Variants in CFAP74 observed in about 807,000 individuals in gnomAD.
CFAP74 encodes the protein cilia and flagella associated protein 74.
In CFAP74, 124 loss-of-function variants were observed where a neutral mutation model predicts 188.9. The observed-to-expected ratio is 0.66, with a 90% confidence interval of 0.57 to 0.76. CFAP74 has a LOEUF of 0.76. Ranked by LOEUF, CFAP74 falls within the 30% of genes least tolerant of loss-of-function variation. CFAP74 has a pLI of 0.00. For missense variants in CFAP74, 2,198 were observed against 2,165.2 expected, an observed-to-expected ratio of 1.02 and a Z score of -0.30; for synonymous variants, 956 against 916.7, an observed-to-expected ratio of 1.04 and a Z score of -0.77.
intron 17 of CFAP74, among the ~76,000 whole-genome samples, chr1:1,956,384 C>T (rs372486203): frequency 1.3e-5 from 2 of 152,164 alleles, no homozygotes; most frequent in South Asian, 2.1e-4. Flanking sequence ...CCTGCTGCTA[C>T]GTGCCTGAGA....
rs1172457681 is a variant in CFAP74 at position 1,968,722 on chromosome 1, CCTGGCACT to C, written c.1150_1157del (p.Ser384AlafsTer15). ...TCTTGTCCCTCAGGGTCAGCCGGTG[CCTGGCACT>C]GGTGGGGGGATGCTGTTTCTTCCTC... On this transcript the variant is annotated frameshift_variant, in exon 11 of 39. Transcript: ENST00000682832. LOFTEE classifies it high-confidence loss of function. The surrounding 1 kb of genome is among the most constrained non-coding windows in gnomAD (Gnocchi z 4.3). The C allele has an allele frequency of 6.2e-7, 1 of 1,613,956 alleles. No individual in the cohort carries two copies. Among genetic ancestry groups the C allele is most frequent in the Non-Finnish European group, 8.5e-7 (1 of 1,179,964 alleles).
intron 1 of CFAP74, among the ~76,000 whole-genome samples, chr1:1,993,834 T>C (rs1040036229): frequency 2.7e-5 from 4 of 149,392 alleles, no homozygotes; most frequent in East Asian, 2.0e-4. Context: ...TACAAAAAAT[T>C]AGCCGGGCGT....
chr1:1,977,339 G>A (rs1656513800), intron 6 of CFAP74, among the ~76,000 whole-genome samples: 1 of 152,164 alleles, frequency 6.6e-6, no homozygotes. Context: ...GCACACATCT[G>A]AGCGAGTGCC....
At chr1:1,944,594 T>C (rs147108416) in intron 20 of CFAP74, 142 bp from the exon 21 acceptor site, 94 of 808,906 alleles carry the variant, frequency 1.2e-4, no homozygotes, top group African/African-American at 1.1e-3. Context: ...GCACTTTTCA[T>C]ATCATATCAT....
Position 1,928,885 on chromosome 1 carries a change from G to T in CFAP74, c.3289-3C>A. On this transcript the variant is annotated splice_region_variant and splice_polypyrimidine_tract_variant and intron_variant, in intron 26 of 38. Transcript: ENST00000682832. ...AAGGCCACCTGGACCAGGCACCTCTGAGGAGAGACCAGCGTGGGCACAGGG... is the reference window on the plus strand; with the variant it reads ...AAGGCCACCTGGACCAGGCACCTCTTAGGAGAGACCAGCGTGGGCACAGGG... 1 of 1,534,262 alleles carries T rather than the reference G, an allele frequency of 6.5e-7. No homozygotes were observed. The highest frequency in any genetic ancestry group is 2.0e-5 in the Admixed American group (1 of 50,964).
intron 6 of CFAP74, among the ~76,000 whole-genome samples, chr1:1,976,005 G>A (rs1161580933): frequency 6.6e-6 from 1 of 152,228 alleles, no homozygotes; most frequent in Non-Finnish European, 1.5e-5. Context: ...GGAAGTCCAA[G>A]GTCAAGGTGC....
chr1:1,947,189 C>T (rs2803341), intron 18 of CFAP74, 135 bp from the exon 19 acceptor site: 318,804 of 697,000 alleles, frequency 0.46, 76,840 homozygotes, highest in Admixed American at 0.55. Context: ...TGGAGCCATC[C>T]GTGTGGCCCC....
rs776407223 is a variant in CFAP74, at chr1:1,922,250, G to C, written c.*37C>G. On this transcript the variant is annotated 3_prime_UTR_variant, in exon 39 of 39. Coordinates refer to ENST00000682832, the MANE Select transcript of CFAP74 (RefSeq NM_001304360.2). ...CCTCAGCCTGGGGAGGGCTTTGAGGGTGGACAGGAGGGCCCGAGGGTGCTC... is the reference window on the plus strand; with the variant it reads ...CCTCAGCCTGGGGAGGGCTTTGAGGCTGGACAGGAGGGCCCGAGGGTGCTC... 25 of 1,522,828 alleles carry C rather than the reference G, an allele frequency of 1.6e-5. No homozygotes were observed. Among genetic ancestry groups the C allele is most frequent in the Non-Finnish European group, 1.4e-5 (15 of 1,103,036 alleles). The allele number at this position is 1,522,828 out of a possible 1,614,324, so 94.3% of individuals were successfully genotyped here. A position where few individuals can be genotyped will look rare whatever the true frequency, so the allele number is the denominator to read the frequency against.
Position 1,944,393 on chromosome 1 carries a change from G to A in CFAP74, c.2424C>T (p.Ser808=), listed in dbSNP as rs1653606817. The A allele has an allele frequency of 3.3e-6, 5 of 1,535,978 alleles. No homozygotes were observed. The highest frequency in any genetic ancestry group is 2.7e-5 in the African/African-American group (2 of 73,054). ...CATACATGCAGATCTTCAGGTCCACGCTGGGCTTCGGCACCCAGACCGGCA... is the reference window on the plus strand; with the variant it reads ...CATACATGCAGATCTTCAGGTCCACACTGGGCTTCGGCACCCAGACCGGCA... The part of the protein sequence containing the change: ...IDVPVWVPKP[S]VDLKICMYDR... The change falls in exon 21 of 39, where the codon AGC becomes AGT. Residue 808 remains serine, a synonymous_variant. Coordinates refer to ENST00000682832, the MANE Select transcript of CFAP74 (RefSeq NM_001304360.2).
chr1:1,928,951 C>G (rs1570823723), intron 26 of CFAP74, 69 bp from the exon 27 acceptor site: 1 of 1,011,824 alleles, frequency 9.9e-7, no homozygotes. Flanking sequence ...CCTGCGGGCA[C>G]TCTACCGTCC....
intron 25 of CFAP74, among the ~76,000 whole-genome samples, chr1:1,933,548 C>G (rs574865418): frequency 4.6e-4 from 70 of 152,294 alleles, no homozygotes; most frequent in Middle Eastern, 3.4e-3. Flanking sequence ...TCCATTTCCT[C>G]AAAATTGTCA....
intron 20 of CFAP74, among the ~76,000 whole-genome samples, chr1:1,945,952 CTG>C (rs912105051): frequency 1.6e-5 from 2 of 125,630 alleles, no homozygotes; most frequent in South Asian, 2.7e-4. Flanking sequence ...TGTGGGGGCT[CTG>C]TGTATGTGCG....
rs113751842 is a variant in CFAP74, at chr1:1,942,404, A to G, written c.2487-248T>C. On this transcript the variant is annotated intron_variant, in intron 21 of 38. Transcript: ENST00000682832. This position sits in a 1 kb window ranked among gnomAD's most constrained non-coding sequence, Gnocchi z 4.3. ...AAAATAACCACATCGAAACGGAAGC[A>G]CGGTCCTAATGGGCTCTCGGGAACC... 8.4e-3 allele frequency among the ~76,000 whole-genome samples: 1,280 copies of G among 152,272 alleles called. 19 individuals are homozygous for G. Among genetic ancestry groups the G allele is most frequent in the African/African-American group, 0.029 (1,225 of 41,552 alleles).
intron 4 of CFAP74, among the ~76,000 whole-genome samples, chr1:1,987,324 G>A (rs182412175): frequency 1.3e-4 from 20 of 152,292 alleles, no homozygotes; most frequent in African/African-American, 3.6e-4. Context: ...ATAAACAAGC[G>A]CACTCCTGCG....
rs569043872 is a variant in CFAP74, at chr1:1,973,754, C to T, written c.674+271G>A. Among the ~76,000 whole-genome samples, 15 of 152,034 alleles carry T rather than the reference C, an allele frequency of 9.9e-5. No individual in the cohort carries two copies. The highest frequency in any genetic ancestry group is 2.1e-4 in the South Asian group (1 of 4,804). ...AAGGGGAGGGGCAGTCTTGCTGGAG[C>T]GTGGCTTTAGTAGCCAGCTTTAGCG... On this transcript the variant is annotated intron_variant, in intron 7 of 38. Coordinates refer to ENST00000682832, the MANE Select transcript of CFAP74 (RefSeq NM_001304360.2). This position sits in a 1 kb window ranked among gnomAD's most constrained non-coding sequence, Gnocchi z 6.2.
chr1:1,926,327 G>C lies in CFAP74; in HGVS notation c.3849C>G (p.Asn1283Lys). Residue 1283 changes from asparagine to lysine, a missense_variant, in exon 32 of 39, where the codon AAC becomes AAG. Asn to Lys is a moderately conservative substitution (Grantham distance 94, BLOSUM62 0). Coordinates refer to ENST00000682832, the MANE Select transcript of CFAP74 (RefSeq NM_001304360.2). ...EDLALDFSLL[N>K]PNGPFVLLNH... ...TCAGCAGGACAAAGGGGCCGTTGGG[G>C]TTCAGCAGGGAGAAGTCCAGCTGAG... The C allele has an allele frequency of 6.5e-7, 1 of 1,548,210 alleles. No individual in the cohort carries two copies. The highest frequency in any genetic ancestry group is 8.7e-7 in the Non-Finnish European group (1 of 1,145,702).
At chr1:1,951,061 C>T (rs979696458) in intron 18 of CFAP74, among the ~76,000 whole-genome samples, 16 of 152,036 alleles carry the variant, frequency 1.1e-4, no homozygotes, top group East Asian at 3.8e-4. Flanking sequence ...AAGAACTGCC[C>T]GAGACTGGGT....
chr1:1,931,725 A>ATG (rs1652396415), intron 25 of CFAP74, among the ~76,000 whole-genome samples: 1 of 146,414 alleles, frequency 6.8e-6, no homozygotes, highest in African/African-American at 2.6e-5. Flanking sequence ...TGACAGAGCA[A>ATG]AGACTCTGTC....
chr1:1,925,817 A>C lies in CFAP74; in HGVS notation c.4070T>G (p.Val1357Gly), dbSNP rs1285926881. 12 of 1,612,642 alleles carry C rather than the reference A, an allele frequency of 7.4e-6. No individual in the cohort carries two copies. Among genetic ancestry groups the C allele is most frequent in the Non-Finnish European group, 1.0e-5 (12 of 1,179,892 alleles). The change falls in exon 33 of 39, where the codon GTG becomes GGG. Residue 1357 changes from valine (V) to glycine (G), a missense_variant. By Grantham distance (109) the Val-to-Gly change is moderately radical. Coordinates refer to ENST00000682832, the MANE Select transcript of CFAP74 (RefSeq NM_001304360.2). ...IEGSVLNMGYVIAGESVSSGF... is the reference protein window; with the variant it reads ...IEGSVLNMGYGIAGESVSSGF... ...TGAGGACACAGACTCTCCGGCAATC[A>C]CATAGCCCATGTTGAGGACGCTGCC...
Sources: allele counts gnomAD v4.1 joint callset (sites outside exome capture counted in the v4.1 genomes callset), GRCh38; gene constraint gnomAD v4.1.1; non-coding constraint Gnocchi (gnomAD v3.1); transcripts MANE v1.5; gene names NCBI Gene and HGNC (gene_info 2026-07-23, HGNC 2026-07-21).